The following UTRN variants were observed in gnomAD, a reference collection of about 807,000 sequenced individuals.
UTRN encodes the protein utrophin, also known as dystrophin-related protein 1.
In UTRN, 283 loss-of-function variants were observed where a neutral mutation model predicts 463.9. The observed-to-expected ratio is 0.61, with a 90% confidence interval of 0.55 to 0.67. The LOEUF is 0.67. Among genes scored for constraint, UTRN ranks in the 30% least tolerant of loss-of-function variants. The pLI, the probability that UTRN is intolerant of heterozygous loss-of-function variation, is 0.00. For missense variants in UTRN, 3,922 were observed against 4,084.3 expected (o/e 0.96, Z 1.08); for synonymous variants, 1,442 against 1,431.5 (o/e 1.01, Z -0.17).
intron 51 of UTRN, among the ~76,000 whole-genome samples, chr6:144,583,775 A>G (rs1342718734): frequency 6.6e-6 from 1 of 152,192 alleles, no homozygotes; most frequent in Non-Finnish European, 1.5e-5. Context: ...AATCTAAAAC[A>G]GGTTTTAGTT....
intron 43 of UTRN, 95 bp from the exon 44 acceptor site, chr6:144,537,487 G>T: frequency 1.3e-6 from 1 of 779,746 alleles, no homozygotes; most frequent in Non-Finnish European, 1.8e-6. Context: ...ATTTATTTTG[G>T]GAAATATTTA....
intron 13 of UTRN, 79 bp downstream of exon 13, chr6:144,440,550 G>A: frequency 3.8e-6 from 6 of 1,577,000 alleles, no homozygotes; most frequent in Non-Finnish European, 5.2e-6. Flanking sequence ...TGTTCTTCAT[G>A]TCCTTTCTCA....
At position 144,781,996 on chromosome 6, in the gene UTRN, A is replaced by G; in HGVS notation, c.8707A>G (p.Ser2903Gly). The change falls in exon 61 of 75, where the codon AGT (serine) becomes GGT (glycine). Residue 2903 changes from serine to glycine, a missense_variant. By Grantham distance (56) the Ser-to-Gly change is moderately conservative. This residue lies in a region of UTRN where 1,309 missense variants were observed against 1,452.6 expected (regional missense o/e 0.90). Coordinates refer to ENST00000367545, the MANE Select transcript of UTRN (RefSeq NM_007124.3). ...HKLNQNDQLL[S>G]VPDVINCLTT... ...GTTGAACCAAAATGACCAGCTCCTC[A>G]GTGTTCCAGATGTCATCAACTGTCT... 6.2e-7 allele frequency: 1 copy of G among 1,614,092 alleles called. No homozygotes were observed. Among genetic ancestry groups the G allele is most frequent in the Non-Finnish European group, 8.5e-7 (1 of 1,179,984 alleles).
Position 144,789,214 on chromosome 6 carries a change from G to A in UTRN, c.8855G>A (p.Arg2952Lys). The change falls in exon 62 of 75, where the codon AGA (arginine) becomes AAA (lysine). Residue 2952 changes from arginine (R) to lysine (K), a missense_variant. Around this residue, in one of 3 missense-constraint regions of UTRN, gnomAD observed 1,309 missense variants for 1,452.6 expected, o/e 0.90. Transcript: ENST00000367545. Reference sequence around the variant, plus strand: ...TTTAGGGGTCGAACTGGAAAAATTAGAGTGCAGAGTCTGAAGATTGGATTA... The same window carrying A: ...TTTAGGGGTCGAACTGGAAAAATTAAAGTGCAGAGTCTGAAGATTGGATTA... ...VYDTGRTGKI[R>K]VQSLKIGLMS... The A allele has an allele frequency of 1.2e-6, 2 of 1,613,240 alleles. No individual in the cohort carries two copies. The highest frequency in any genetic ancestry group is 1.7e-6 in the Non-Finnish European group (2 of 1,179,652).
chr6:144,377,365 C>T (rs991689168), intron 2 of UTRN, among the ~76,000 whole-genome samples: 1 of 152,128 alleles, frequency 6.6e-6, no homozygotes, highest in Non-Finnish European at 1.5e-5. Context: ...TTTCTGTGTG[C>T]AGGAATATAC....
At chr6:144,626,574 G>A (rs1271437388) in intron 51 of UTRN, among the ~76,000 whole-genome samples, 1 of 152,232 alleles carries the variant, frequency 6.6e-6, no homozygotes, top group African/African-American at 2.4e-5. Context: ...GTCCACAGCT[G>A]CCTACAGGCC....
chr6:144,374,363 C>T (rs1780256752), intron 2 of UTRN, among the ~76,000 whole-genome samples: 1 of 151,880 alleles, frequency 6.6e-6, no homozygotes, highest in African/African-American at 2.4e-5. Context: ...TAAAAGATGC[C>T]CTGCACGGTG....
chr6:144,370,916 T>C (rs374986441), intron 2 of UTRN, among the ~76,000 whole-genome samples: 1 of 152,194 alleles, frequency 6.6e-6, no homozygotes, highest in African/African-American at 2.4e-5. Context: ...CAAGATCAAG[T>C]GAGCTTTTGC....
intron 2 of UTRN, chr6:144,330,750 T>G: frequency 1.1e-6 from 1 of 915,874 alleles, no homozygotes. Flanking sequence ...GATTGGGCTA[T>G]TCACAGAGGC....
chr6:144,404,348 T>C (rs1035655485), intron 3 of UTRN, among the ~76,000 whole-genome samples: 21 of 152,222 alleles, frequency 1.4e-4, no homozygotes, highest in African/African-American at 5.1e-4. Flanking sequence ...AATTTTAGTT[T>C]GTTTTATTCC....
chr6:144,353,061 G>A (rs1007259428), intron 2 of UTRN, among the ~76,000 whole-genome samples: 3 of 152,014 alleles, frequency 2.0e-5, no homozygotes, highest in Non-Finnish European at 2.9e-5. Flanking sequence ...TCCCACCTCA[G>A]CCTCCTGAGT....
At chr6:144,534,935 G>A (rs182039634) in intron 43 of UTRN, among the ~76,000 whole-genome samples, 17 of 152,290 alleles carry the variant, frequency 1.1e-4, no homozygotes, top group African/African-American at 3.6e-4. Flanking sequence ...AAATAGCATC[G>A]TCGTGTGAGA....
intron 42 of UTRN, among the ~76,000 whole-genome samples, chr6:144,532,001 G>A (rs182961713): frequency 1.7e-3 from 259 of 152,150 alleles, no homozygotes; most frequent in African/African-American, 5.9e-3. Flanking sequence ...GCCGGGCATG[G>A]TGGAACGCAC....
In UTRN at chr6:144,406,760, A is replaced by G. The variant is rs531417262; in HGVS notation, c.141+3576A>G. 1.1e-4 allele frequency among the ~76,000 whole-genome samples: 16 copies of G among 152,092 alleles called. No homozygotes were observed. In the East Asian group the frequency reaches 2.9e-3, roughly 28 times the overall value. On this transcript the variant is annotated intron_variant, in intron 3 of 74. Coordinates refer to ENST00000367545, the MANE Select transcript of UTRN (RefSeq NM_007124.3). ...CTGTAAGCTCTTTCGTTGGGTGCCCATTTTCCTTTTTTTAAAAAACACAAT... is the reference window on the plus strand; with the variant it reads ...CTGTAAGCTCTTTCGTTGGGTGCCCGTTTTCCTTTTTTTAAAAAACACAAT...
At position 144,485,532 on chromosome 6, in the gene UTRN, G is replaced by C. The variant is rs895546642; in HGVS notation, c.3822+13G>C. 3 of 1,613,908 alleles carry C rather than the reference G, an allele frequency of 1.9e-6. No homozygotes were observed. Among genetic ancestry groups the C allele is most frequent in the African/African-American group, 2.7e-5 (2 of 74,928 alleles). ...CGAAGCCCTGGAGGTTGGAACCCGT[G>C]ATCTCCACGGCATTTCTCTTTGCTG... On this transcript the variant is annotated intron_variant, in intron 28 of 74. Transcript: ENST00000367545.
intron 33 of UTRN, among the ~76,000 whole-genome samples, chr6:144,495,499 GCCC>G (rs1262886814): frequency 6.6e-5 from 10 of 152,210 alleles, no homozygotes; most frequent in African/African-American, 1.9e-4. Flanking sequence ...GTGGCGCGCA[GCCC>G]CGGTTCCCGC....
chr6:144,770,690 A>G (rs183057331), intron 58 of UTRN, among the ~76,000 whole-genome samples: 22 of 152,356 alleles, frequency 1.4e-4, no homozygotes, highest in African/African-American at 5.0e-4. Context: ...CATCTAACAT[A>G]TGAATTAGTT....
rs1025201622 is a variant in UTRN at position 144,751,857 on chromosome 6, G to T, written c.8260G>T (p.Asp2754Tyr). The change falls in exon 56 of 75, where the codon GAT becomes TAT. Residue 2754 changes from aspartate to tyrosine, a missense_variant. Asp to Tyr is a radical substitution (Grantham distance 160, BLOSUM62 -3). Around this residue, in one of 3 missense-constraint regions of UTRN, gnomAD observed 1,309 missense variants for 1,452.6 expected, o/e 0.90. Transcript: ENST00000367545. ...PINFKVKTVN[D>Y]LSSQLSPLDL... ...CAACTTTAAAGTTAAAACGGTGAAT[G>T]ATTTATCCAGTCAGCTGTCTCCACT... The T allele has an allele frequency of 3.0e-5, 48 of 1,611,722 alleles. No individual in the cohort carries two copies. Among genetic ancestry groups the T allele is most frequent in the Non-Finnish European group, 3.7e-5 (44 of 1,178,966 alleles).
chr6:144,599,032 C>T (rs1357918471), intron 51 of UTRN, among the ~76,000 whole-genome samples: 1 of 152,134 alleles, frequency 6.6e-6, no homozygotes, highest in Non-Finnish European at 1.5e-5. Context: ...ATTAATTGCT[C>T]TTGATTAACC....
Sources: allele counts gnomAD v4.1 joint callset (sites outside exome capture counted in the v4.1 genomes callset), GRCh38; gene constraint gnomAD v4.1.1; regional missense constraint gnomAD v4.1.1; transcripts MANE v1.5; gene names NCBI Gene and HGNC (gene_info 2026-07-23, HGNC 2026-07-21).